MCTP1: variants seen among roughly 807,000 people sequenced by gnomAD.
MCTP1 encodes multiple C2 and transmembrane domain-containing protein 1.
A neutral mutation model predicts 120.6 loss-of-function variants in MCTP1; 69 were observed. The observed-to-expected ratio is 0.57, with a 90% CI of 0.47 to 0.70. The LOEUF (loss-of-function observed/expected upper bound fraction) is 0.70, where lower values mean the gene tolerates loss of function less well. MCTP1 is among the 30% of genes least tolerant of loss of function. MCTP1 has a pLI of 0.00. For synonymous variants in MCTP1, 529 were observed against 493.1 expected, an observed-to-expected ratio of 1.07 and a Z score of -0.96; for missense variants, 1,203 against 1,248.8, an observed-to-expected ratio of 0.96 and a Z score of 0.55.
At chr5:94,859,212 C>G (rs1222382514) in intron 17 of MCTP1, among the ~76,000 whole-genome samples, 2 of 151,660 alleles carry the variant, frequency 1.3e-5, no homozygotes, top group Non-Finnish European at 3.0e-5. Context: ...TTAAAGGGCT[C>G]TCTTAAAATA....
intron 19 of MCTP1, among the ~76,000 whole-genome samples, chr5:94,770,372 A>T (rs1561605145): frequency 1.3e-5 from 2 of 152,242 alleles, no homozygotes; most frequent in Admixed American, 1.3e-4. Context: ...GCTGCAATAC[A>T]GAAGTTAACT....
intron 17 of MCTP1, among the ~76,000 whole-genome samples, chr5:94,807,078 T>C (rs1782501893): frequency 6.6e-6 from 1 of 152,222 alleles, no homozygotes; most frequent in Non-Finnish European, 1.5e-5. Flanking sequence ...TCCTGTATAG[T>C]TCATCATTCG....
intron 18 of MCTP1, among the ~76,000 whole-genome samples, chr5:94,797,289 C>A (rs757896873): frequency 2.6e-5 from 4 of 151,808 alleles, no homozygotes; most frequent in South Asian, 2.1e-4. Flanking sequence ...GAAGATAAGC[C>A]CCCCCTCATA....
In MCTP1 at chr5:94,954,059, A is replaced by AT. The variant is rs1821650997; in HGVS notation, c.839-699_839-698insA. Among the ~76,000 whole-genome samples, 3 of 60,766 alleles carry AT rather than the reference A, an allele frequency of 4.9e-5. 1 individual carries two copies. Among genetic ancestry groups the AT allele is most frequent in the African/African-American group, 2.6e-4 (3 of 11,722 alleles). The allele number at this position is 60,766 out of a possible 152,430, so 39.9% of individuals were successfully genotyped here. ...AAATATATATATGCATATATATACAAATATATATGCATATATATACAAATA... is the reference window on the plus strand; with the variant it reads ...AAATATATATATGCATATATATACAATATATATATGCATATATATACAAATA... On this transcript the variant is annotated intron_variant, in intron 2 of 22. Transcript: ENST00000515393.
chr5:95,240,247 T>G (rs1175311061), intron 1 of MCTP1, among the ~76,000 whole-genome samples: 1 of 152,232 alleles, frequency 6.6e-6, no homozygotes, highest in Non-Finnish European at 1.5e-5. Context: ...AAGGCTATTT[T>G]CATTTTAGGT....
intron 19 of MCTP1, among the ~76,000 whole-genome samples, chr5:94,764,632 CAAAG>C (rs1772130258): frequency 6.6e-6 from 1 of 151,454 alleles, no homozygotes; most frequent in Non-Finnish European, 1.5e-5. Context: ...TAAAAGGAGA[CAAAG>C]AAGGTCATTA....
At chr5:94,907,610 T>A (rs1021050277) in intron 10 of MCTP1, among the ~76,000 whole-genome samples, 3 of 152,116 alleles carry the variant, frequency 2.0e-5, no homozygotes, top group Non-Finnish European at 4.4e-5. Context: ...CAAAGTGAAG[T>A]GAGATAGTTA....
chr5:95,149,835 A>G (rs960624714), intron 1 of MCTP1, among the ~76,000 whole-genome samples: 1 of 132,614 alleles, frequency 7.5e-6, no homozygotes, highest in African/African-American at 2.5e-5. Flanking sequence ...GGTTTCTCCT[A>G]TTCCCAGGAT....
intron 1 of MCTP1, among the ~76,000 whole-genome samples, chr5:95,070,557 C>A (rs967706600): frequency 6.6e-6 from 1 of 152,226 alleles, no homozygotes; most frequent in Admixed American, 6.5e-5. Flanking sequence ...CCCAGTTCCT[C>A]TCAGCAAAGC....
chr5:95,170,847 G>A (rs1253100221), intron 1 of MCTP1, among the ~76,000 whole-genome samples: 1 of 152,090 alleles, frequency 6.6e-6, no homozygotes, highest in East Asian at 1.9e-4. Flanking sequence ...ACACTGATGG[G>A]TCTTGGCTCT....
At chr5:95,222,904 G>A (rs938633166) in intron 1 of MCTP1, among the ~76,000 whole-genome samples, 4 of 152,192 alleles carry the variant, frequency 2.6e-5, no homozygotes, top group Admixed American at 1.3e-4. Flanking sequence ...CATAGAGGCT[G>A]GCAAGTCCAG....
intron 1 of MCTP1, among the ~76,000 whole-genome samples, chr5:95,141,366 C>T (rs556123639): frequency 6.6e-6 from 1 of 152,182 alleles, no homozygotes; most frequent in East Asian, 1.9e-4. Context: ...AAAAACACTT[C>T]AGTAATCCAC....
At chr5:94,871,019 G>A (rs758337874) in intron 14 of MCTP1, 46 bp from the exon 15 acceptor site, 4 of 1,449,672 alleles carry the variant, frequency 2.8e-6, no homozygotes, top group African/African-American at 2.8e-5. Flanking sequence ...GGTCTCTACT[G>A]AATACACTCC....
At chr5:95,168,460 G>T (rs573943216) in intron 1 of MCTP1, among the ~76,000 whole-genome samples, 2 of 152,268 alleles carry the variant, frequency 1.3e-5, no homozygotes, top group African/African-American at 4.8e-5. Context: ...AATGGGGATG[G>T]CATTGAATCT....
chr5:94,948,960 T>G (rs1819801261), intron 3 of MCTP1, among the ~76,000 whole-genome samples: 1 of 152,084 alleles, frequency 6.6e-6, no homozygotes, highest in Non-Finnish European at 1.5e-5. Flanking sequence ...ATTTTCAACT[T>G]TAACTCTTAA....
chr5:95,133,739 T>C (rs907380885), intron 1 of MCTP1, among the ~76,000 whole-genome samples: 2 of 152,244 alleles, frequency 1.3e-5, no homozygotes, highest in Non-Finnish European at 1.5e-5. Context: ...TACTGTACTG[T>C]ACTCACGTAT....
intron 1 of MCTP1, among the ~76,000 whole-genome samples, chr5:95,103,110 T>C (rs1419692812): frequency 6.6e-6 from 1 of 151,462 alleles, no homozygotes; most frequent in Non-Finnish European, 1.5e-5. Flanking sequence ...TATTATTGTT[T>C]TATTAATATT....
At chr5:95,212,570 T>A (rs1190222935) in intron 1 of MCTP1, among the ~76,000 whole-genome samples, 2 of 152,000 alleles carry the variant, frequency 1.3e-5, no homozygotes, top group East Asian at 3.9e-4. Flanking sequence ...AAAAAGAGAA[T>A]TTTAGACCAA....
rs138734379 is a variant in MCTP1, at chr5:95,139,714, T to C, written c.721-122230A>G. 7.2e-5 allele frequency among the ~76,000 whole-genome samples: 11 copies of C among 152,342 alleles called. No individual in the cohort carries two copies. The East Asian group carries it at 2.1e-3, about 29-fold the overall frequency. On this transcript the variant is annotated intron_variant, in intron 1 of 22. Transcript: ENST00000515393. ...AACAACTGCAGATCCACAGAAGCTG[T>C]TTCCTTATGAACAATGTTAAGTGGT...
Sources: allele counts gnomAD v4.1 joint callset (sites outside exome capture counted in the v4.1 genomes callset), GRCh38; gene constraint gnomAD v4.1.1; transcripts MANE v1.5; gene names NCBI Gene and HGNC (gene_info 2026-07-23, HGNC 2026-07-21).